NFATC1: variants seen among roughly 807,000 people sequenced by gnomAD.
The protein encoded by NFATC1 is nuclear factor of activated T-cells, cytoplasmic 1.
In NFATC1, 22 loss-of-function variants were observed where a neutral mutation model predicts 76.0. The ratio of observed to expected loss-of-function variants is 0.29; its 90% confidence interval spans 0.21 to 0.41. The LOEUF (loss-of-function observed/expected upper bound fraction) is 0.41, where lower values mean the gene tolerates loss of function less well. NFATC1 is among the 10% of genes least tolerant of loss of function. The probability of loss-of-function intolerance (pLI) is 1.00; values close to 1 mark genes in which losing one functional copy is unlikely to be tolerated. For synonymous variants in NFATC1, 704 were observed against 613.1 expected, an observed-to-expected ratio of 1.15 and a Z score of -2.19; for missense variants, 1,357 against 1,337.7, an observed-to-expected ratio of 1.01 and a Z score of -0.23.
intron 9 of NFATC1, among the ~76,000 whole-genome samples, chr18:79,512,637 G>A (rs1016313443): frequency 2.0e-5 from 3 of 152,276 alleles, no homozygotes; most frequent in South Asian, 4.1e-4. Context: ...TCCAGTCGGT[G>A]GGCCCCGTGT....
chr18:79,455,461 C>T (rs112149681), intron 6 of NFATC1, among the ~76,000 whole-genome samples: 43 of 152,306 alleles, frequency 2.8e-4, no homozygotes, highest in African/African-American at 1.0e-3. Flanking sequence ...TGGCATCTCA[C>T]AGGCGGCCGG....
chr18:79,454,029 C>G (rs920300422), intron 6 of NFATC1, among the ~76,000 whole-genome samples: 1 of 152,192 alleles, frequency 6.6e-6, no homozygotes, highest in African/African-American at 2.4e-5. Context: ...CAGTTGCCCT[C>G]TCGTTTTCTG....
chr18:79,433,347 CG>C (rs1448967353), intron 2 of NFATC1, among the ~76,000 whole-genome samples: 1 of 152,134 alleles, frequency 6.6e-6, no homozygotes, highest in Non-Finnish European at 1.5e-5. Flanking sequence ...GGAAGAGAAG[CG>C]TGTTAAGGTT....
chr18:79,511,852 G>T (rs2090262396), intron 9 of NFATC1, among the ~76,000 whole-genome samples: 1 of 152,062 alleles, frequency 6.6e-6, no homozygotes. Flanking sequence ...TGCGGGTCCG[G>T]GACCTGCCTA....
Position 79,410,513 on chromosome 18 carries a change from A to G in NFATC1, c.238A>G (p.Ile80Val), listed in dbSNP as rs762915766. The G allele has an allele frequency of 3.1e-6, 5 of 1,611,738 alleles. No individual in the cohort carries two copies. In the Admixed American group the frequency reaches 8.3e-5, roughly 27 times the overall value. ...HNLQTSTPGIIPPADHPSGYG... is the reference protein window; with the variant it reads ...HNLQTSTPGIVPPADHPSGYG... ...CCTTCAGACCTCCACACCGGGCATC[A>G]TCCCGCCGGCGGATCACCCCTCGGG... Residue 80 changes from isoleucine (I) to valine (V), a missense_variant, in exon 2 of 10, where the codon ATC (isoleucine) becomes GTC (valine). Around this residue, in one of 3 missense-constraint regions of NFATC1, gnomAD observed 691 missense variants for 613.1 expected, o/e 1.13. Coordinates refer to ENST00000427363, the MANE Select transcript of NFATC1 (RefSeq NM_001278669.2). This position sits in a 1 kb window ranked among gnomAD's most constrained non-coding sequence, Gnocchi z 6.7.
At chr18:79,478,609 G>C (rs1350262809) in intron 8 of NFATC1, among the ~76,000 whole-genome samples, 1 of 152,234 alleles carries the variant, frequency 6.6e-6, no homozygotes, top group Non-Finnish European at 1.5e-5. Context: ...CCAGGATTGT[G>C]CCGAATGCTC....
At chr18:79,518,315 C>G (rs1425498287) in intron 9 of NFATC1, among the ~76,000 whole-genome samples, 1 of 152,234 alleles carries the variant, frequency 6.6e-6, no homozygotes, top group Non-Finnish European at 1.5e-5. Context: ...AAGGGAAGGA[C>G]AACACTAATG....
At chr18:79,404,775 G>A (rs1326312254) in intron 1 of NFATC1, among the ~76,000 whole-genome samples, 2 of 152,214 alleles carry the variant, frequency 1.3e-5, no homozygotes, top group Admixed American at 1.3e-4. Flanking sequence ...CCTGCGCACA[G>A]CGAGTGAGGG....
rs182103225 is a variant in NFATC1 at position 79,522,033 on chromosome 18, G to A, written c.2783-5495G>A. 1.6e-3 allele frequency among the ~76,000 whole-genome samples: 154 copies of A among 97,884 alleles called. 2 individuals are homozygous for A. The highest frequency in any genetic ancestry group is 6.3e-3 in the African/African-American group (146 of 23,072). 64.2% of individuals were successfully genotyped at this position (97,884 alleles called of 152,430 possible). The stretch of plus-strand genomic sequence containing the variant: ...TGTGTGGGGGGGCGTCTGCTGATGT[G>A]TGTGTTTTGTGTGTGGGGAGGGGGC... On this transcript the variant is annotated intron_variant, in intron 9 of 9. Coordinates refer to ENST00000427363, the MANE Select transcript of NFATC1 (RefSeq NM_001278669.2).
chr18:79,521,325 C>CTG (rs1191916618), intron 9 of NFATC1, among the ~76,000 whole-genome samples: 4 of 41,220 alleles, frequency 9.7e-5, no homozygotes, highest in South Asian at 9.5e-4. Context: ...ATGTGTGTGT[C>CTG]TGTGTGTGTG....
intron 9 of NFATC1, among the ~76,000 whole-genome samples, chr18:79,511,522 AGGGCCATGGCACAGTGG>A (rs1171757381): frequency 1.3e-5 from 2 of 152,110 alleles, no homozygotes; most frequent in African/African-American, 4.8e-5. Flanking sequence ...TGAGGGCACC[AGGGCCATGGCACAGTGG>A]CGGCCGTGGA....
intron 6 of NFATC1, 124 bp from the exon 7 acceptor site, chr18:79,461,187 G>A (rs774560501): frequency 2.2e-5 from 24 of 1,079,010 alleles, no homozygotes; most frequent in South Asian, 6.7e-5. Context: ...ATGGGCCTAC[G>A]TGGGTCTCCT....
At chr18:79,470,406 G>A (rs975171639) in intron 8 of NFATC1, 4 of 152,272 alleles carry the variant, frequency 2.6e-5, no homozygotes, top group African/African-American at 7.2e-5. Context: ...GGACTCCTAG[G>A]GTTGTGAAAT....
At chr18:79,418,661 A>G (rs1438132569) in intron 2 of NFATC1, among the ~76,000 whole-genome samples, 2 of 152,196 alleles carry the variant, frequency 1.3e-5, no homozygotes, top group African/African-American at 4.8e-5. Context: ...TGAGAAGATC[A>G]TGCCTCCTGA....
At chr18:79,500,395 G>C (rs914006884) in intron 9 of NFATC1, among the ~76,000 whole-genome samples, 38 of 152,236 alleles carry the variant, frequency 2.5e-4, no homozygotes, top group African/African-American at 7.9e-4. Flanking sequence ...GTAAGGCAGT[G>C]CTTAGAGGGA....
At chr18:79,426,268 C>T (rs1206287559) in intron 2 of NFATC1, among the ~76,000 whole-genome samples, 3 of 151,548 alleles carry the variant, frequency 2.0e-5, no homozygotes, top group Non-Finnish European at 4.4e-5. Context: ...TCTGTCCCAG[C>T]GCAGACGGCA....
intron 2 of NFATC1, among the ~76,000 whole-genome samples, chr18:79,425,213 CTG>C (rs1312471631): frequency 7.1e-6 from 1 of 140,230 alleles, no homozygotes; most frequent in Admixed American, 7.0e-5. Context: ...CTCCCTGTCT[CTG>C]TCTCTCTGTT....
At chr18:79,483,268 CGTCACTCCAGCGTGACCTGGTCCTGGGGT>C (rs2089365671) in intron 8 of NFATC1, among the ~76,000 whole-genome samples, 1 of 55,014 alleles carries the variant, frequency 1.8e-5, no homozygotes. Context: ...GGTCCTGGGG[CGTCACTCCAGCGTGACCTGGTCCTGGGGT>C]GTCATTCCGG....
chr18:79,440,780 G>A (rs560058790), intron 3 of NFATC1, among the ~76,000 whole-genome samples: 2 of 152,356 alleles, frequency 1.3e-5, no homozygotes, highest in Admixed American at 6.5e-5. Context: ...TGTCAGTGCC[G>A]GTTCTAAGAG....
Sources: allele counts gnomAD v4.1 joint callset (sites outside exome capture counted in the v4.1 genomes callset), GRCh38; gene constraint gnomAD v4.1.1; regional missense constraint gnomAD v4.1.1; non-coding constraint Gnocchi (gnomAD v3.1); transcripts MANE v1.5; gene names NCBI Gene and HGNC (gene_info 2026-07-23, HGNC 2026-07-21).